CACNG3: variants seen among roughly 807,000 people sequenced by gnomAD.
The protein encoded by CACNG3 is calcium voltage-gated channel auxiliary subunit gamma 3.
Under a neutral mutation model 28.5 loss-of-function variants are expected in CACNG3, and 3 were observed. The ratio of observed to expected loss-of-function variants is 0.11; its 90% CI spans 0.05 to 0.27. The LOEUF (loss-of-function observed/expected upper bound fraction) is 0.27, where lower values mean the gene tolerates loss of function less well. Ranked by LOEUF, CACNG3 falls within the 10% of genes least tolerant of loss-of-function variation. CACNG3 has a pLI of 1.00. For synonymous variants in CACNG3, 174 were observed against 162.2 expected, an observed-to-expected ratio of 1.07 and a Z score of -0.55; for missense variants, 236 against 414.4, an observed-to-expected ratio of 0.57 and a Z score of 3.74.
At chr16:24,321,948 T>A (rs1899466007) in intron 1 of CACNG3, among the ~76,000 whole-genome samples, 1 of 152,230 alleles carries the variant, frequency 6.6e-6, no homozygotes, top group Non-Finnish European at 1.5e-5. Flanking sequence ...TTTGTACTAT[T>A]CGCAGTTTCA....
Position 24,354,828 on chromosome 16 carries a change from C to T in CACNG3, c.296-5C>T, listed in dbSNP as rs200750978. 2.2e-5 allele frequency: 36 copies of T among 1,611,758 alleles called. No individual in the cohort carries two copies. Among genetic ancestry groups the T allele is most frequent in the Middle Eastern group, 2.3e-4 (1 of 4,440 alleles). ...AGGCAGAAGCCTCTCTCCTTCTCTC[C>T]GCAGGAGCTGTGAGGGCCTCCAGTG... On this transcript the variant is annotated splice_polypyrimidine_tract_variant and splice_region_variant and intron_variant, in intron 2 of 3. Coordinates refer to ENST00000005284, the MANE Select transcript of CACNG3 (RefSeq NM_006539.4).
chr16:24,314,949 G>A (rs1217927029), intron 1 of CACNG3, among the ~76,000 whole-genome samples: 3 of 152,124 alleles, frequency 2.0e-5, no homozygotes, highest in Non-Finnish European at 4.4e-5. Context: ...ACTGCATAAA[G>A]AAGCTGTGAG....
At chr16:24,270,962 T>C (rs189754609) in intron 1 of CACNG3, among the ~76,000 whole-genome samples, 249 of 151,786 alleles carry the variant, frequency 1.6e-3, no homozygotes, top group Non-Finnish European at 3.1e-3. Context: ...GTGCCTGGAG[T>C]GTTCAAGAAA....
At chr16:24,295,027 G>C (rs1899013225) in intron 1 of CACNG3, among the ~76,000 whole-genome samples, 1 of 152,162 alleles carries the variant, frequency 6.6e-6, no homozygotes, top group Non-Finnish European at 1.5e-5. Flanking sequence ...TGTTGGGGAG[G>C]ACAGCCTACC....
At chr16:24,357,232 TAAAAAA>T (rs36102827) in intron 3 of CACNG3, among the ~76,000 whole-genome samples, 5 of 113,288 alleles carry the variant, frequency 4.4e-5, no homozygotes, top group African/African-American at 1.0e-4. Flanking sequence ...CACTCCATCT[TAAAAAA>T]AAAAAAAAAA....
intron 1 of CACNG3, among the ~76,000 whole-genome samples, chr16:24,323,239 A>AAAAG (rs1555460944): frequency 3.5e-5 from 5 of 143,074 alleles, no homozygotes; most frequent in East Asian, 2.1e-4. Context: ...AAAAAAAAAA[A>AAAAG]AGAGAGAGAG....
chr16:24,273,420 C>G (rs969411626), intron 1 of CACNG3, among the ~76,000 whole-genome samples: 10 of 152,188 alleles, frequency 6.6e-5, no homozygotes, highest in African/African-American at 2.4e-4. Flanking sequence ...CTTTCGTAGA[C>G]TGTCTTAGCT....
At chr16:24,297,911 T>C (rs908298259) in intron 1 of CACNG3, among the ~76,000 whole-genome samples, 1 of 151,890 alleles carries the variant, frequency 6.6e-6, no homozygotes, top group Non-Finnish European at 1.5e-5. Flanking sequence ...ACCCCAAAGT[T>C]GTTGTCACAG....
chr16:24,317,602 G>GAAAGAAAGGA (rs1899377355), intron 1 of CACNG3, among the ~76,000 whole-genome samples: 2 of 62,516 alleles, frequency 3.2e-5, no homozygotes, highest in African/African-American at 1.5e-4. Context: ...AAGAAAGAAA[G>GAAAGAAAGGA]AAAGAAAGAA....
rs762103543 is a variant in CACNG3, at chr16:24,256,781, G to T, written c.27G>T (p.Gln9His). Residue 9 changes from glutamine to histidine, a missense_variant, in exon 1 of 4, where the codon CAG (glutamine) becomes CAT (histidine). Physicochemically the swap from Gln to His is conservative, Grantham distance 24 (BLOSUM62 0). Transcript: ENST00000005284. The surrounding 1 kb of genome is among the most constrained non-coding windows in gnomAD (Gnocchi z 4.6). ...TGAGGATGTGTGACAGAGGTATCCA[G>T]ATGTTGATCACCACTGTAGGAGCCT... MRMCDRGI[Q>H]MLITTVGAFA... The T allele has an allele frequency of 6.2e-7, 1 of 1,613,232 alleles. No homozygotes were observed. Among genetic ancestry groups the T allele is most frequent in the Admixed American group, 1.7e-5 (1 of 60,018 alleles).
rs1898852099 is a variant in CACNG3, at chr16:24,283,183, A to G, written c.211+26218A>G. 2.6e-5 allele frequency among the ~76,000 whole-genome samples: 4 copies of G among 152,050 alleles called. No individual in the cohort carries two copies. In the South Asian group the frequency reaches 8.3e-4, roughly 32 times the overall value. ...TCTCTGCTATCCTTCTTTACCAAAC[A>G]TCTGAGTTCTTATCATTTGGTTTTG... is the stretch of plus-strand genomic sequence containing the variant. On this transcript the variant is annotated intron_variant, in intron 1 of 3. Coordinates refer to ENST00000005284, the MANE Select transcript of CACNG3 (RefSeq NM_006539.4).
At chr16:24,350,062 A>T (rs545083169) in intron 2 of CACNG3, among the ~76,000 whole-genome samples, 2 of 152,240 alleles carry the variant, frequency 1.3e-5, no homozygotes, top group African/African-American at 4.8e-5. Context: ...GAAGGAAGAC[A>T]GTAAAAACCT....
chr16:24,312,602 G>A (rs573074188), intron 1 of CACNG3, among the ~76,000 whole-genome samples: 1 of 152,078 alleles, frequency 6.6e-6, no homozygotes, highest in Admixed American at 6.6e-5. Flanking sequence ...GATAGCTTGA[G>A]GTCAAGAATT....
At chr16:24,297,991 G>A (rs906051148) in intron 1 of CACNG3, among the ~76,000 whole-genome samples, 5 of 32,396 alleles carry the variant, frequency 1.5e-4, no homozygotes, top group African/African-American at 6.6e-4. Flanking sequence ...AAAGATCTGT[G>A]TGTGTGTGTG....
At chr16:24,295,231 G>A (rs542644845) in intron 1 of CACNG3, among the ~76,000 whole-genome samples, 1 of 152,262 alleles carries the variant, frequency 6.6e-6, no homozygotes, top group South Asian at 2.1e-4. Context: ...CTGGAGCCCC[G>A]ATGTACTTCC....
chr16:24,267,386 C>T (rs1420347502), intron 1 of CACNG3, among the ~76,000 whole-genome samples: 1 of 152,054 alleles, frequency 6.6e-6, no homozygotes, highest in Non-Finnish European at 1.5e-5. Flanking sequence ...CTCCTGGGCT[C>T]AAGGGATCCT....
chr16:24,275,153 A>G (rs991949199), intron 1 of CACNG3, among the ~76,000 whole-genome samples: 59 of 152,132 alleles, frequency 3.9e-4, no homozygotes, highest in Admixed American at 2.4e-3. Flanking sequence ...TGAGCCCAGG[A>G]GTTTGAGACC....
At chr16:24,262,881 T>C (rs962571834) in intron 1 of CACNG3, among the ~76,000 whole-genome samples, 4 of 152,224 alleles carry the variant, frequency 2.6e-5, no homozygotes, top group Non-Finnish European at 5.9e-5. Context: ...CATTCCAAGG[T>C]TGGGTGACCA....
At chr16:24,355,498 A>G (rs1241305401) in intron 3 of CACNG3, among the ~76,000 whole-genome samples, 1 of 152,084 alleles carries the variant, frequency 6.6e-6, no homozygotes, top group Admixed American at 6.5e-5. Context: ...TGGGGGGATC[A>G]CTTGAGCCCA....
Sources: gnomAD v4.1 joint callset for allele counts (sites outside exome capture counted in the v4.1 genomes callset) on GRCh38, gnomAD v4.1.1 for gene constraint, Gnocchi (gnomAD v3.1) non-coding constraint, MANE v1.5 for transcripts, NCBI Gene and HGNC (gene_info 2026-07-23, HGNC 2026-07-21) for gene names.